The following KNDC1 variants were observed in gnomAD, a reference collection of about 807,000 sequenced individuals.
KNDC1 encodes the protein kinase non-catalytic C-lobe domain-containing protein 1.
Under a neutral mutation model 172.8 loss-of-function variants are expected in KNDC1, and 106 were observed. That is an observed-to-expected ratio of 0.61 (90% CI 0.52 to 0.72). The LOEUF is 0.72. Among genes scored for constraint, KNDC1 ranks in the 30% least tolerant of loss-of-function variants. The pLI, the probability that KNDC1 is intolerant of heterozygous loss-of-function variation, is 0.00. For missense variants in KNDC1, 2,325 were observed against 2,394.5 expected, an observed-to-expected ratio of 0.97 and a Z score of 0.61; for synonymous variants, 1,083 against 1,062.2, an observed-to-expected ratio of 1.02 and a Z score of -0.38.
chr10:133,219,196 T>C, intron 28 of KNDC1, 106 bp downstream of exon 28: 3 of 1,381,142 alleles, frequency 2.2e-6, no homozygotes, highest in East Asian at 2.5e-5. Context: ...CCACAGAGTG[T>C]GTGCAGGTGG....
Position 133,210,682 on chromosome 10 carries a change from T to G in KNDC1, c.3866T>G (p.Phe1289Cys), listed in dbSNP as rs1245268744. The change falls in exon 21 of 30, where the codon TTC (phenylalanine) becomes TGC (cysteine). Residue 1289 changes from phenylalanine to cysteine, a missense_variant. Transcript: ENST00000304613. The part of the protein sequence containing the change: ...TFRYFCTPHD[F>C]LHFLLDRINS... ...CGCTACTTCTGCACACCCCACGACTTCCTGCACTTCCTCCTCGACCGCATC... is the reference window on the plus strand; with the variant it reads ...CGCTACTTCTGCACACCCCACGACTGCCTGCACTTCCTCCTCGACCGCATC... The G allele has an allele frequency of 1.2e-6, 2 of 1,613,906 alleles. No homozygotes were observed. The highest frequency in any genetic ancestry group is 8.5e-7 in the Non-Finnish European group (1 of 1,179,928).
In KNDC1 at chr10:133,189,808, G is replaced by C. The variant is rs1398932027; in HGVS notation, c.1570G>C (p.Glu524Gln). The change falls in exon 9 of 30, where the codon GAA becomes CAA. Residue 524 changes from glutamate to glutamine, a missense_variant. Glu to Gln is a conservative substitution (Grantham distance 29). Coordinates refer to ENST00000304613, the MANE Select transcript of KNDC1 (RefSeq NM_152643.8). ...GCTGGCAGAGGAGAGGCTGGTAACT[G>C]AAAAGGTACCCGGGCCCTCCCCACC... ...PELAEERLVT[E>Q]KASVYCVAAV... 5 of 1,613,222 alleles carry C rather than the reference G, an allele frequency of 3.1e-6. No homozygotes were observed. In the South Asian group the frequency reaches 5.5e-5, roughly 18 times the overall value.
At chr10:133,200,228 G>A (rs958892378) in intron 15 of KNDC1, 147 bp from the exon 16 acceptor site, 9 of 545,932 alleles carry the variant, frequency 1.6e-5, no homozygotes, top group Non-Finnish European at 2.8e-5. Flanking sequence ...CGGCTGCTGT[G>A]CCCCTTAGTG....
At chr10:133,186,804 G>T in intron 6 of KNDC1, 130 bp downstream of exon 6, 1 of 701,554 alleles carries the variant, frequency 1.4e-6, no homozygotes, top group Non-Finnish European at 2.3e-6. Flanking sequence ...CATAATTAAA[G>T]ACATTTTCAT....
At chr10:133,210,030 G>A (rs1346094072) in intron 20 of KNDC1, among the ~76,000 whole-genome samples, 2 of 152,084 alleles carry the variant, frequency 1.3e-5, no homozygotes, top group Admixed American at 6.5e-5. Context: ...TCAGCTTCCC[G>A]AGCTAACGGG....
At position 133,183,350 on chromosome 10, in the gene KNDC1, A is replaced by T; in HGVS notation, c.367A>T (p.Ile123Phe). The T allele has an allele frequency of 1.3e-6, 2 of 1,595,886 alleles. No homozygotes were observed. The highest frequency in any genetic ancestry group is 2.7e-5 in the African/African-American group (2 of 74,794). Residue 123 changes from isoleucine (I) to phenylalanine (F), a missense_variant, in exon 4 of 30, where the codon ATC (isoleucine) becomes TTC (phenylalanine). Physicochemically the swap from Ile to Phe is conservative, Grantham distance 21 (BLOSUM62 0). Transcript: ENST00000304613. Reference sequence around the variant, plus strand: ...CAGCCTGTCGTGCCCACAGGCGCACATCTACTCTCTGGGGGCCACGCTGAA... The same window carrying T: ...CAGCCTGTCGTGCCCACAGGCGCACTTCTACTCTCTGGGGGCCACGCTGAA... ...DVTGNTFEAH[I>F]YSLGATLKAA...
At chr10:133,197,161 C>T in intron 11 of KNDC1, 26 bp downstream of exon 11, 2 of 1,577,050 alleles carry the variant, frequency 1.3e-6, no homozygotes, top group Middle Eastern at 1.7e-4. Context: ...CAGGCCGCCG[C>T]CTCCTCCGCC....
intron 7 of KNDC1, 91 bp from the exon 8 acceptor site, chr10:133,189,507 G>C: frequency 3.2e-6 from 4 of 1,258,054 alleles, no homozygotes; most frequent in Non-Finnish European, 4.5e-6. Context: ...GGGGCTGCCC[G>C]GCCTGACTGA....
chr10:133,211,855 G>A lies in KNDC1; in HGVS notation c.4233G>A (p.Arg1411=). 1 of 1,605,560 alleles carries A rather than the reference G, an allele frequency of 6.2e-7. No individual in the cohort carries two copies. Among genetic ancestry groups the A allele is most frequent in the South Asian group, 1.1e-5 (1 of 90,216 alleles). The change falls in exon 23 of 30, where the codon AGG becomes AGA. Residue 1411 remains arginine (R), a synonymous_variant. Coordinates refer to ENST00000304613, the MANE Select transcript of KNDC1 (RefSeq NM_152643.8). ...GGCTCTCAGAGGACGGCATCTCCAG[G>A]AAGGTGGGGTCCTTTCTCAGGGGAG... The part of the protein sequence containing the change: ...CKRLSEDGIS[R]KSFPWRLPRG...
intron 20 of KNDC1, among the ~76,000 whole-genome samples, chr10:133,210,057 G>A (rs892930624): frequency 2.0e-4 from 31 of 152,246 alleles, no homozygotes; most frequent in African/African-American, 6.7e-4. Flanking sequence ...GAGTGGAGAC[G>A]TCACAAAGCC....
At chr10:133,165,272 CT>C (rs1467786614) in intron 1 of KNDC1, among the ~76,000 whole-genome samples, 21 of 152,212 alleles carry the variant, frequency 1.4e-4, no homozygotes, top group Non-Finnish European at 3.1e-4. Flanking sequence ...AGGTGTCCGG[CT>C]TCCCTGAGGG....
intron 26 of KNDC1, among the ~76,000 whole-genome samples, chr10:133,217,985 G>A (rs1013376081): frequency 4.6e-5 from 7 of 151,824 alleles, no homozygotes; most frequent in Non-Finnish European, 7.4e-5. Context: ...ACTTGAACCC[G>A]GGAGGTGGAG....
Position 133,163,412 on chromosome 10 carries a change from A to G in KNDC1, c.102+2843A>G, listed in dbSNP as rs1458297298. 6.6e-6 allele frequency among the ~76,000 whole-genome samples: 1 copy of G among 152,150 alleles called. No homozygotes were observed. Among genetic ancestry groups the G allele is most frequent in the Non-Finnish European group, 1.5e-5 (1 of 68,018 alleles). On this transcript the variant is annotated intron_variant, in intron 1 of 29. Transcript: ENST00000304613. This position sits in a 1 kb window ranked among gnomAD's most constrained non-coding sequence, Gnocchi z 4.4. ...GGGCACACAGCTGGGGGCTCCCAGT[A>G]AAGAAGAGGACGTCCCCGCTGCAGG...
intron 26 of KNDC1, 69 bp from the exon 27 acceptor site, chr10:133,218,762 A>G (rs1318538512): frequency 1.9e-6 from 3 of 1,556,096 alleles, no homozygotes; most frequent in African/African-American, 1.4e-5. Flanking sequence ...TGATTTTAAC[A>G]GGTTCTCAAA....
In KNDC1 at chr10:133,171,494, A is replaced by G. The variant is rs142321051; in HGVS notation, c.360+3182A>G. On this transcript the variant is annotated intron_variant, in intron 3 of 29. Coordinates refer to ENST00000304613, the MANE Select transcript of KNDC1 (RefSeq NM_152643.8). ...ACTCTGTTGCCCAGGCTGGTCTTGA[A>G]CTCCTGCCTTCAAGTGATCCTCTCC... 3.3e-5 allele frequency among the ~76,000 whole-genome samples: 5 copies of G among 150,806 alleles called. No homozygotes were observed. The South Asian group carries it at 1.1e-3, about 32-fold the overall frequency.
At chr10:133,194,007 A>T (rs908705875) in intron 9 of KNDC1, among the ~76,000 whole-genome samples, 2 of 152,246 alleles carry the variant, frequency 1.3e-5, no homozygotes, top group Non-Finnish European at 2.9e-5. Context: ...TGAACACTTG[A>T]TAGAACAATC....
intron 5 of KNDC1, among the ~76,000 whole-genome samples, chr10:133,184,730 G>A (rs776206307): frequency 2.0e-5 from 3 of 152,256 alleles, no homozygotes; most frequent in Non-Finnish European, 2.9e-5. Context: ...AGGCACCCAC[G>A]CAGGCAGAGG....
rs757937026 is a variant in KNDC1 at position 133,199,272 on chromosome 10, T to C, written c.2758+6T>C. 6.5e-7 allele frequency: 1 copy of C among 1,549,584 alleles called. No individual in the cohort carries two copies. The highest frequency in any genetic ancestry group is 8.7e-7 in the Non-Finnish European group (1 of 1,145,592). ...GCTGGAGGCTCTGATCATGGGTACG[T>C]GGGGGCCGCAGACGCCCCAGAGGAG... On this transcript the variant is annotated splice_donor_region_variant and intron_variant, in intron 14 of 29. Transcript: ENST00000304613.
At chr10:133,182,694 A>C (rs1006553385) in intron 3 of KNDC1, among the ~76,000 whole-genome samples, 2 of 152,260 alleles carry the variant, frequency 1.3e-5, no homozygotes, top group Non-Finnish European at 2.9e-5. Context: ...CCTTCTACTG[A>C]AATCCAGTTT....
Sources: allele counts gnomAD v4.1 joint callset (sites outside exome capture counted in the v4.1 genomes callset), GRCh38; gene constraint gnomAD v4.1.1; non-coding constraint Gnocchi (gnomAD v3.1); transcripts MANE v1.5; gene names NCBI Gene and HGNC (gene_info 2026-07-23, HGNC 2026-07-21).